Variants in INPP4B observed in about 807,000 individuals in gnomAD.
The protein encoded by INPP4B is inositol polyphosphate-4-phosphatase type II B, also known as inositol polyphosphate 4-phosphatase type II.
In INPP4B, 55 loss-of-function variants were observed where a neutral mutation model predicts 122.5. The observed-to-expected ratio is 0.45, with a 90% CI of 0.36 to 0.56. The LOEUF is 0.56. INPP4B is among the 20% of genes least tolerant of loss of function. INPP4B has a pLI of 0.00. For missense variants in INPP4B, 1,000 were observed against 1,097.7 expected, an observed-to-expected ratio of 0.91 and a Z score of 1.26; for synonymous variants, 403 against 388.7, an observed-to-expected ratio of 1.04 and a Z score of -0.43.
At chr4:142,506,398 G>C (rs1198821163) in intron 2 of INPP4B, among the ~76,000 whole-genome samples, 1 of 152,034 alleles carries the variant, frequency 6.6e-6, no homozygotes, top group African/African-American at 2.4e-5. Flanking sequence ...AAGTTGATTA[G>C]GTAATGGAGT....
At chr4:142,553,140 A>T (rs1376854769) in intron 2 of INPP4B, among the ~76,000 whole-genome samples, 2 of 151,804 alleles carry the variant, frequency 1.3e-5, no homozygotes, top group African/African-American at 4.8e-5. Flanking sequence ...TTTTTTTAGT[A>T]CTATATTCCC....
chr4:142,333,445 G>A (rs763814338), intron 7 of INPP4B, among the ~76,000 whole-genome samples: 2 of 152,090 alleles, frequency 1.3e-5, no homozygotes, highest in East Asian at 1.9e-4. Flanking sequence ...TTCCTTTCTC[G>A]CTTTTATCTC....
chr4:142,156,791 C>CAA (rs1346471412), intron 17 of INPP4B, among the ~76,000 whole-genome samples: 2 of 151,982 alleles, frequency 1.3e-5, no homozygotes, highest in East Asian at 3.9e-4. Context: ...TTTTTGACTT[C>CAA]AAAAGAATGG....
At chr4:142,070,749 A>G (rs1766734198) in intron 25 of INPP4B, among the ~76,000 whole-genome samples, 1 of 152,196 alleles carries the variant, frequency 6.6e-6, no homozygotes, top group African/African-American at 2.4e-5. Context: ...TGCTTCAAAG[A>G]GAATAAAATA....
chr4:142,296,342 G>A (rs911507369), intron 9 of INPP4B, among the ~76,000 whole-genome samples: 2 of 152,130 alleles, frequency 1.3e-5, no homozygotes, highest in African/African-American at 4.8e-5. Flanking sequence ...ATGAAAAACA[G>A]TCTAGTTGAA....
At chr4:142,628,235 A>G (rs1227108577) in intron 2 of INPP4B, among the ~76,000 whole-genome samples, 4 of 149,264 alleles carry the variant, frequency 2.7e-5, no homozygotes, top group African/African-American at 4.9e-5. Context: ...GCAGCCATAA[A>G]AAATGATGAG....
rs1738003865 is a variant in INPP4B at position 142,258,828 on chromosome 4, A to C, written c.688+1664T>G. Among the ~76,000 whole-genome samples the C allele has an allele frequency of 3.3e-5, 5 of 152,304 alleles. No individual in the cohort carries two copies. In the South Asian group the frequency reaches 1.0e-3, roughly 32 times the overall value. ...TCAGGGATCTAGAACTAGAAACACC[A>C]TTTGACCCAGCCATCCCATTACTGG... On this transcript the variant is annotated intron_variant, in intron 11 of 25. Coordinates refer to ENST00000262992, the MANE Select transcript of INPP4B (RefSeq NM_001101669.3).
chr4:142,428,890 A>G (rs1397983648), intron 5 of INPP4B, among the ~76,000 whole-genome samples: 1 of 152,002 alleles, frequency 6.6e-6, no homozygotes, highest in African/African-American at 2.4e-5. Flanking sequence ...TTAGCAACAA[A>G]ATGCAGTCAC....
intron 1 of INPP4B, among the ~76,000 whole-genome samples, chr4:142,803,630 A>T (rs1023344150): frequency 2.7e-5 from 4 of 149,144 alleles, no homozygotes; most frequent in South Asian, 2.2e-4. Context: ...CTGGCTTCCC[A>T]GGGGAATTCA....
chr4:142,233,571 C>A (rs1185905265), intron 12 of INPP4B, among the ~76,000 whole-genome samples: 1 of 152,000 alleles, frequency 6.6e-6, no homozygotes, highest in African/African-American at 2.4e-5. Context: ...TTTCATTAAA[C>A]AAGGTAAGAG....
At chr4:142,775,320 T>G (rs563606701) in intron 1 of INPP4B, among the ~76,000 whole-genome samples, 1 of 151,312 alleles carries the variant, frequency 6.6e-6, no homozygotes, top group South Asian at 2.1e-4. Context: ...TGGATAGTTA[T>G]GCTCAAACTT....
At chr4:142,160,333 G>T in intron 17 of INPP4B, 25 bp downstream of exon 17, 3 of 1,364,018 alleles carry the variant, frequency 2.2e-6, no homozygotes, top group Non-Finnish European at 2.9e-6. Context: ...AACATTGAGA[G>T]GCAAGCGATA....
intron 7 of INPP4B, among the ~76,000 whole-genome samples, chr4:142,375,015 T>C (rs1181687932): frequency 6.6e-6 from 1 of 151,934 alleles, no homozygotes; most frequent in Non-Finnish European, 1.5e-5. Flanking sequence ...CCTTTCTGTG[T>C]GTTCATTCAC....
intron 7 of INPP4B, among the ~76,000 whole-genome samples, chr4:142,361,170 C>A (rs1785253562): frequency 6.6e-6 from 1 of 151,928 alleles, no homozygotes; most frequent in Non-Finnish European, 1.5e-5. Context: ...AACTATATTG[C>A]ACTTCATGGC....
At chr4:142,730,428 T>C (rs1765915507) in intron 1 of INPP4B, among the ~76,000 whole-genome samples, 1 of 152,200 alleles carries the variant, frequency 6.6e-6, no homozygotes. Flanking sequence ...TTCTTCAATA[T>C]AATCTCTGTT....
chr4:142,211,515 G>C (rs540798864), intron 12 of INPP4B, among the ~76,000 whole-genome samples: 3 of 152,044 alleles, frequency 2.0e-5, no homozygotes, highest in Non-Finnish European at 4.4e-5. Flanking sequence ...ACAACCACAA[G>C]GAAGTAAAAA....
At chr4:142,227,905 C>T (rs1393612589) in intron 12 of INPP4B, among the ~76,000 whole-genome samples, 1 of 133,936 alleles carries the variant, frequency 7.5e-6, no homozygotes, top group African/African-American at 2.7e-5. Context: ...CAGTATGTTT[C>T]AAGAAAAACT....
chr4:142,515,078 G>T (rs181609928), intron 2 of INPP4B, among the ~76,000 whole-genome samples: 20 of 152,082 alleles, frequency 1.3e-4, no homozygotes, highest in African/African-American at 4.3e-4. Flanking sequence ...TTACAGGCAT[G>T]AGCCACCATG....
At chr4:142,289,950 T>A (rs1429593700) in intron 9 of INPP4B, among the ~76,000 whole-genome samples, 1 of 152,088 alleles carries the variant, frequency 6.6e-6, no homozygotes, top group African/African-American at 2.4e-5. Flanking sequence ...TCTTACCACC[T>A]CCCTGCAAAC....
Sources: gnomAD v4.1 joint callset for allele counts (sites outside exome capture counted in the v4.1 genomes callset) on GRCh38, gnomAD v4.1.1 for gene constraint, MANE v1.5 for transcripts, NCBI Gene and HGNC (gene_info 2026-07-23, HGNC 2026-07-21) for gene names.